Variants in NRG1 observed in about 807,000 individuals in gnomAD.
NRG1 encodes the protein neuregulin 1.
In NRG1, 18 loss-of-function variants were observed where a neutral mutation model predicts 63.8. The ratio of observed to expected loss-of-function variants is 0.28; its 90% CI spans 0.19 to 0.42. The LOEUF is 0.42. Among genes scored for constraint, NRG1 ranks in the 10% least tolerant of loss-of-function variants. The probability of loss-of-function intolerance (pLI) is 1.00; values close to 1 mark genes in which losing one functional copy is unlikely to be tolerated. For synonymous variants in NRG1, 302 were observed against 301.3 expected, an observed-to-expected ratio of 1.00 and a Z score of -0.02; for missense variants, 762 against 814.7, an observed-to-expected ratio of 0.94 and a Z score of 0.79.
chr8:31,989,661 G>A (rs1810722811), intron 1 of NRG1, among the ~76,000 whole-genome samples: 1 of 152,026 alleles, frequency 6.6e-6, no homozygotes, highest in Non-Finnish European at 1.5e-5. Context: ...TTTTGCACTG[G>A]GAAGCGACAG....
intron 1 of NRG1, among the ~76,000 whole-genome samples, chr8:32,248,100 A>C (rs1586367975): frequency 6.6e-6 from 1 of 152,114 alleles, no homozygotes; most frequent in African/African-American, 2.4e-5. Context: ...TAGCTATATG[A>C]CTTCAGAATA....
intron 1 of NRG1, among the ~76,000 whole-genome samples, chr8:32,317,323 C>T (rs1031793138): frequency 7.9e-5 from 12 of 152,134 alleles, no homozygotes; most frequent in Admixed American, 5.9e-4. Context: ...ACTGGCCCTG[C>T]TAAACAAGAC....
intron 5 of NRG1, among the ~76,000 whole-genome samples, chr8:32,711,050 T>C (rs1216887550): frequency 6.6e-6 from 1 of 152,150 alleles, no homozygotes; most frequent in Non-Finnish European, 1.5e-5. Flanking sequence ...GCTTCTCTAA[T>C]GGCCTTGTTT....
At chr8:31,775,464 G>T (rs1819028166) in intron 1 of NRG1, among the ~76,000 whole-genome samples, 1 of 152,116 alleles carries the variant, frequency 6.6e-6, no homozygotes, top group Admixed American at 6.5e-5. Flanking sequence ...GGGGTTTGAG[G>T]TTTGAAAAAT....
In NRG1 at chr8:31,640,728, C is replaced by G; in HGVS notation, c.37+1297C>G. On this transcript the variant is annotated intron_variant, in intron 1 of 10. Transcript: ENST00000519301. The surrounding 1 kb of genome is among the most constrained non-coding windows in gnomAD (Gnocchi z 6.3). ...TCAGCCGGGTGCTGTGCAAGCGGTGCGGTAAGTTCCTCGCCCTTGGGGGCG... is the reference window on the plus strand; with the variant it reads ...TCAGCCGGGTGCTGTGCAAGCGGTGGGGTAAGTTCCTCGCCCTTGGGGGCG... 1.3e-6 allele frequency: 2 copies of G among 1,574,018 alleles called. No individual in the cohort carries two copies. Among genetic ancestry groups the G allele is most frequent in the Non-Finnish European group, 1.7e-6 (2 of 1,159,650 alleles).
chr8:32,520,780 A>G (rs1392920331), intron 1 of NRG1, among the ~76,000 whole-genome samples: 1 of 152,194 alleles, frequency 6.6e-6, no homozygotes, highest in African/African-American at 2.4e-5. Context: ...ACAATTTCTA[A>G]GTTTTAACTT....
intron 1 of NRG1, among the ~76,000 whole-genome samples, chr8:32,443,447 AT>A (rs33950769): frequency 0.031 from 4,681 of 152,310 alleles, 248 homozygotes; most frequent in African/African-American, 0.11. Flanking sequence ...GGATTTTGAC[AT>A]GCAAAAAGAT....
intron 1 of NRG1, among the ~76,000 whole-genome samples, chr8:32,148,446 T>C (rs1837146331): frequency 6.6e-6 from 1 of 152,204 alleles, no homozygotes; most frequent in South Asian, 2.1e-4. Flanking sequence ...TTGCTCAGGC[T>C]GGAGTGCAGT....
At chr8:32,445,613 T>C (rs1165603208) in intron 1 of NRG1, among the ~76,000 whole-genome samples, 1 of 152,204 alleles carries the variant, frequency 6.6e-6, no homozygotes, top group Non-Finnish European at 1.5e-5. Flanking sequence ...ACAACAATGA[T>C]ACTGGCCAAC....
At chr8:32,120,612 T>C (rs1391481787) in intron 1 of NRG1, among the ~76,000 whole-genome samples, 3 of 152,064 alleles carry the variant, frequency 2.0e-5, no homozygotes, top group Non-Finnish European at 4.4e-5. Context: ...ATTTGGAATC[T>C]CTAGAAAGAA....
intron 1 of NRG1, among the ~76,000 whole-genome samples, chr8:32,371,992 A>ATTTTT (rs60780562): frequency 0.022 from 2,844 of 129,344 alleles, 80 homozygotes; most frequent in East Asian, 0.029. Context: ...CTTCTTCTTC[A>ATTTTT]TTTTTTTTTT....
chr8:32,415,234 C>A (rs892942670), intron 1 of NRG1, among the ~76,000 whole-genome samples: 2 of 151,624 alleles, frequency 1.3e-5, no homozygotes, highest in Non-Finnish European at 2.9e-5. Context: ...ATGATGAAAC[C>A]CCGTCTCTAT....
At chr8:32,767,484 T>C (rs949722866) in exon 12 of NRG1, 9 of 152,252 alleles carry the variant, frequency 5.9e-5, no homozygotes, top group Non-Finnish European at 1.3e-4. Context: ...AATGGCCACA[T>C]ATCACAAGTT....
chr8:32,761,037 A>G (rs530266733), intron 11 of NRG1: 1 of 967,632 alleles, frequency 1.0e-6, no homozygotes, highest in Non-Finnish European at 1.2e-6. Context: ...ACTGCCTTCA[A>G]GATGGCCCTT....
intron 1 of NRG1, among the ~76,000 whole-genome samples, chr8:32,058,113 A>G (rs1010620227): frequency 6.6e-6 from 1 of 152,120 alleles, no homozygotes; most frequent in Non-Finnish European, 1.5e-5. Flanking sequence ...GCCCAAAAAT[A>G]TGTACAACTA....
intron 1 of NRG1, among the ~76,000 whole-genome samples, chr8:32,159,336 C>G (rs928174451): frequency 1.3e-5 from 2 of 151,492 alleles, no homozygotes; most frequent in Non-Finnish European, 2.9e-5. Context: ...AGATCGAGAC[C>G]ATCCTGGCTA....
intron 7 of NRG1, chr8:32,743,389 A>G: frequency 1.1e-5 from 2 of 185,722 alleles, no homozygotes; most frequent in Non-Finnish European, 2.0e-5. Context: ...AGTTTAAACA[A>G]TTATTTATTT....
At chr8:32,602,580 T>C (rs911524182) in intron 2 of NRG1, among the ~76,000 whole-genome samples, 15 of 152,132 alleles carry the variant, frequency 9.9e-5, no homozygotes, top group African/African-American at 3.6e-4. Flanking sequence ...GTTGTAATCT[T>C]ATCTCAGAAT....
At chr8:32,009,787 C>T (rs1466302408) in intron 1 of NRG1, among the ~76,000 whole-genome samples, 1 of 151,898 alleles carries the variant, frequency 6.6e-6, no homozygotes, top group Non-Finnish European at 1.5e-5. Flanking sequence ...TTTATTGTTC[C>T]TAATGACCAA....
Sources: allele counts gnomAD v4.1 joint callset (sites outside exome capture counted in the v4.1 genomes callset), GRCh38; gene constraint gnomAD v4.1.1; non-coding constraint Gnocchi (gnomAD v3.1); transcripts MANE v1.5; gene names NCBI Gene and HGNC (gene_info 2026-07-23, HGNC 2026-07-21).